Variants in FCHO2 observed in about 807,000 individuals in gnomAD.
The protein encoded by FCHO2 is FCH and mu domain containing endocytic adaptor 2, also known as F-BAR domain only protein 2.
In FCHO2, 43 loss-of-function variants were observed where a neutral mutation model predicts 114.1. The observed-to-expected ratio is 0.38, with a 90% CI of 0.30 to 0.49. The LOEUF is 0.49. Among genes scored for constraint, FCHO2 ranks in the 20% least tolerant of loss-of-function variants. The pLI is 0.97. For missense variants in FCHO2, 807 were observed against 950.4 expected, an observed-to-expected ratio of 0.85 and a Z score of 1.98; for synonymous variants, 293 against 315.2, an observed-to-expected ratio of 0.93 and a Z score of 0.75.
At chr5:73,007,797 AATT>A (rs1386266643) in intron 6 of FCHO2, among the ~76,000 whole-genome samples, 1 of 152,240 alleles carries the variant, frequency 6.6e-6, no homozygotes, top group African/African-American at 2.4e-5. Flanking sequence ...TAAAGTTATA[AATT>A]ATTATAAGTA....
At chr5:73,081,657 C>G in intron 22 of FCHO2, 126 bp from the exon 23 acceptor site, 1 of 606,910 alleles carries the variant, frequency 1.6e-6, no homozygotes, top group East Asian at 3.3e-5. Flanking sequence ...TTCACTCTGC[C>G]AACAGATAGT....
intron 11 of FCHO2, among the ~76,000 whole-genome samples, chr5:73,043,995 A>G (rs1294858573): frequency 3.3e-5 from 5 of 152,190 alleles, no homozygotes; most frequent in African/African-American, 1.2e-4. Flanking sequence ...GGGTCAGGGG[A>G]TAGATCTCCC....
Position 73,088,616 on chromosome 5 carries a change from T to C in FCHO2, c.*526T>C, listed in dbSNP as rs558123286. 1 of 153,478 alleles carries C rather than the reference T, an allele frequency of 6.5e-6. No individual in the cohort carries two copies. Among genetic ancestry groups the C allele is most frequent in the South Asian group, 2.0e-4 (1 of 4,892 alleles). The allele number at this position is 153,478 out of a possible 1,614,324, so 9.5% of individuals were successfully genotyped here. On this transcript the variant is annotated 3_prime_UTR_variant, in exon 26 of 26. Transcript: ENST00000430046. ...TAAGGTAATCAGACCAGAGTCCAAGTTGTATGCAAAAAATCTATAATTTGA... is the reference window on the plus strand; with the variant it reads ...TAAGGTAATCAGACCAGAGTCCAAGCTGTATGCAAAAAATCTATAATTTGA...
intron 6 of FCHO2, among the ~76,000 whole-genome samples, chr5:73,007,066 C>T (rs1248258248): frequency 2.6e-5 from 4 of 152,164 alleles, no homozygotes; most frequent in African/African-American, 4.8e-5. Flanking sequence ...TTCCACTCTC[C>T]GCTGCCCCTG....
chr5:73,010,228 G>A (rs1250269082), intron 6 of FCHO2, among the ~76,000 whole-genome samples: 1 of 152,104 alleles, frequency 6.6e-6, no homozygotes, highest in African/African-American at 2.4e-5. Flanking sequence ...AGTCTCTAGG[G>A]TGAAAGAGGT....
At chr5:73,025,681 T>C (rs896907151) in intron 8 of FCHO2, among the ~76,000 whole-genome samples, 1 of 152,154 alleles carries the variant, frequency 6.6e-6, no homozygotes, top group African/African-American at 2.4e-5. Flanking sequence ...GCCTGGCCTC[T>C]TTTGTATGTT....
chr5:73,087,652 C>A lies in FCHO2; in HGVS notation c.2309C>A (p.Ala770Glu). Residue 770 changes from alanine to glutamate, a missense_variant, in exon 25 of 26, where the codon GCA (alanine) becomes GAA (glutamate). Coordinates refer to ENST00000430046, the MANE Select transcript of FCHO2 (RefSeq NM_138782.3). ...GGACCTAGTAAACCCACGACACTTG[C>A]AGTACAATTCCTCAGCGAGGGAAGT... ...SEGPSKPTTL[A>E]VQFLSEGSTL... The A allele has an allele frequency of 6.2e-7, 1 of 1,613,940 alleles. No individual in the cohort carries two copies. Among genetic ancestry groups the A allele is most frequent in the Non-Finnish European group, 8.5e-7 (1 of 1,179,840 alleles).
intron 1 of FCHO2, among the ~76,000 whole-genome samples, chr5:72,962,770 G>T (rs929511937): frequency 6.6e-6 from 1 of 152,054 alleles, no homozygotes; most frequent in South Asian, 2.1e-4. Context: ...GTGCGAACCT[G>T]TAGTCCCAGC....
chr5:73,002,366 A>T (rs1389189802), intron 5 of FCHO2, among the ~76,000 whole-genome samples: 3 of 152,200 alleles, frequency 2.0e-5, no homozygotes, highest in Non-Finnish European at 4.4e-5. Flanking sequence ...GTGTTATAAA[A>T]TAATTTCTTT....
chr5:73,024,619 A>C (rs957059471), intron 8 of FCHO2, among the ~76,000 whole-genome samples: 1 of 151,590 alleles, frequency 6.6e-6, no homozygotes, highest in East Asian at 2.0e-4. Context: ...TTGTATTTTT[A>C]GTAGAGACGG....
At chr5:73,031,592 A>C (rs1424564043) in intron 8 of FCHO2, among the ~76,000 whole-genome samples, 1 of 152,214 alleles carries the variant, frequency 6.6e-6, no homozygotes, top group Non-Finnish European at 1.5e-5. Flanking sequence ...TCAAAGTTTT[A>C]ATCCAAATTA....
chr5:73,085,781 T>A (rs555217744), intron 24 of FCHO2, among the ~76,000 whole-genome samples: 1 of 4,994 alleles, frequency 2.0e-4, no homozygotes, highest in African/African-American at 2.7e-4. Context: ...TCTCAAAAAA[T>A]AAATAAATAA....
chr5:73,025,226 G>C (rs1465068168), intron 8 of FCHO2, among the ~76,000 whole-genome samples: 1 of 151,854 alleles, frequency 6.6e-6, no homozygotes, highest in Non-Finnish European at 1.5e-5. Flanking sequence ...TTTCTTTTTT[G>C]AGACAGAGTT....
intron 6 of FCHO2, among the ~76,000 whole-genome samples, chr5:73,012,579 A>G (rs952795597): frequency 6.7e-6 from 1 of 148,922 alleles, no homozygotes; most frequent in Non-Finnish European, 1.5e-5. Flanking sequence ...AGATCACGCC[A>G]CTGCACTCCA....
At chr5:73,038,182 A>G (rs934413035) in intron 10 of FCHO2, 3 of 152,690 alleles carry the variant, frequency 2.0e-5, no homozygotes, top group African/African-American at 7.2e-5. Flanking sequence ...TACTTTGGCT[A>G]CACATTAGAA....
chr5:73,034,578 TTAAAATG>T (rs1756400970), intron 8 of FCHO2, 72 bp from the exon 9 acceptor site: 1 of 1,126,416 alleles, frequency 8.9e-7, no homozygotes, highest in African/African-American at 1.6e-5. Context: ...AATAAAAAAT[TTAAAATG>T]TAAAAAAAAA....
chr5:73,052,577 A>T, intron 13 of FCHO2, 70 bp downstream of exon 13: 1 of 1,214,656 alleles, frequency 8.2e-7, no homozygotes, highest in Non-Finnish European at 1.1e-6. Flanking sequence ...TGTCTGGTCA[A>T]ACATTACTTA....
chr5:73,054,369 T>C (rs1449111034), intron 14 of FCHO2, among the ~76,000 whole-genome samples, 156 bp from the exon 15 acceptor site: 3 of 152,202 alleles, frequency 2.0e-5, no homozygotes, highest in Non-Finnish European at 4.4e-5. Flanking sequence ...CAAAAACTAC[T>C]GTTTTTTCTC....
chr5:73,043,741 A>G (rs1406178096), intron 11 of FCHO2, among the ~76,000 whole-genome samples: 1 of 152,186 alleles, frequency 6.6e-6, no homozygotes, highest in Admixed American at 6.5e-5. Context: ...AAAATAAGAT[A>G]AATATGTGGA....
Sources: allele counts gnomAD v4.1 joint callset (sites outside exome capture counted in the v4.1 genomes callset), GRCh38; gene constraint gnomAD v4.1.1; transcripts MANE v1.5; gene names NCBI Gene and HGNC (gene_info 2026-07-23, HGNC 2026-07-21).